COL14A1: variants seen among roughly 807,000 people sequenced by gnomAD.
The protein encoded by COL14A1 is collagen type XIV alpha 1 chain.
A neutral mutation model predicts 230.3 loss-of-function variants in COL14A1; 136 were observed. The observed-to-expected ratio is 0.59, with a 90% CI of 0.51 to 0.68. The LOEUF is 0.68. COL14A1 is among the 30% of genes least tolerant of loss of function. COL14A1 has a pLI of 0.00. For missense variants in COL14A1, 1,976 were observed against 2,215.8 expected, an observed-to-expected ratio of 0.89 and a Z score of 2.17; for synonymous variants, 792 against 784.1, an observed-to-expected ratio of 1.01 and a Z score of -0.17.
intron 16 of COL14A1, 83 bp from the exon 17 acceptor site, chr8:120,227,137 T>C: frequency 6.7e-7 from 1 of 1,489,054 alleles, no homozygotes. Flanking sequence ...GATTGGTTGT[T>C]TCTTGCTTAT....
At chr8:120,324,228 G>C (rs1821572927) in intron 40 of COL14A1, among the ~76,000 whole-genome samples, 1 of 151,526 alleles carries the variant, frequency 6.6e-6, no homozygotes, top group Non-Finnish European at 1.5e-5. Context: ...AAAAAAAAAA[G>C]TTTAAAAATA....
chr8:120,315,174 AGCCTGGCCAACATGAT>A (rs1821174535), intron 38 of COL14A1, among the ~76,000 whole-genome samples: 1 of 152,138 alleles, frequency 6.6e-6, no homozygotes, highest in African/African-American at 2.4e-5. Context: ...GCTTGAGACT[AGCCTGGCCAACATGAT>A]GAAACCCCGT....
chr8:120,355,126 T>G (rs1822931591), intron 45 of COL14A1, among the ~76,000 whole-genome samples: 1 of 152,204 alleles, frequency 6.6e-6, no homozygotes, highest in Non-Finnish European at 1.5e-5. Flanking sequence ...ATTTGTCAAT[T>G]GCTTTTCTGA....
chr8:120,168,897 C>G (rs1337512938), intron 5 of COL14A1, among the ~76,000 whole-genome samples: 1 of 152,036 alleles, frequency 6.6e-6, no homozygotes, highest in Non-Finnish European at 1.5e-5. Flanking sequence ...ACTCTGTCAC[C>G]CAGGCTAGAA....
intron 22 of COL14A1, 144 bp from the exon 23 acceptor site, chr8:120,255,096 A>T: frequency 1.4e-6 from 1 of 696,544 alleles, no homozygotes; most frequent in African/African-American, 1.8e-5. Flanking sequence ...TATCTTTTGT[A>T]TACTAACTCA....
chr8:120,190,039 A>G lies in COL14A1; in HGVS notation c.437-6752A>G, dbSNP rs1317289068. Among the ~76,000 whole-genome samples, 25 of 150,640 alleles carry G rather than the reference A, an allele frequency of 1.7e-4. 2 individuals are homozygous for G. The highest frequency in any genetic ancestry group is 1.5e-3 in the Admixed American group (23 of 15,038). The stretch of plus-strand genomic sequence containing the variant: ...TGGGTCAAATGGTATTTCTAGTTCT[A>G]GATCCCTGAGGAATCGCCACACTGA... On this transcript the variant is annotated intron_variant, in intron 5 of 47. Coordinates refer to ENST00000297848, the MANE Select transcript of COL14A1 (RefSeq NM_021110.4).
chr8:120,263,458 C>T (rs1390395312), intron 24 of COL14A1, among the ~76,000 whole-genome samples: 1 of 152,126 alleles, frequency 6.6e-6, no homozygotes, highest in Non-Finnish European at 1.5e-5. Context: ...GCCTAAGAAG[C>T]TCTTGCACTT....
intron 37 of COL14A1, among the ~76,000 whole-genome samples, chr8:120,313,394 AC>A (rs1158678307): frequency 6.6e-6 from 1 of 152,078 alleles, no homozygotes; most frequent in Non-Finnish European, 1.5e-5. Context: ...GTAAAATAAT[AC>A]TAAGCCGAGG....
intron 23 of COL14A1, among the ~76,000 whole-genome samples, chr8:120,259,773 G>A (rs185387518): frequency 5.5e-4 from 83 of 152,228 alleles, no homozygotes; most frequent in Non-Finnish European, 9.1e-4. Flanking sequence ...GAGAGTCCCC[G>A]GAAGGTTTGT....
chr8:120,278,584 A>T lies in COL14A1; in HGVS notation c.3481+6A>T, dbSNP rs778049718. The stretch of plus-strand genomic sequence containing the variant: ...CAGGGAGATGCAATTAGATGGTAAG[A>T]TATATAAACAATAGTGGCTACCAAA... On this transcript the variant is annotated splice_donor_region_variant and intron_variant, in intron 28 of 47. Coordinates refer to ENST00000297848, the MANE Select transcript of COL14A1 (RefSeq NM_021110.4). 1.9e-6 allele frequency: 3 copies of T among 1,611,042 alleles called. No individual in the cohort carries two copies. Among genetic ancestry groups the T allele is most frequent in the Non-Finnish European group, 2.5e-6 (3 of 1,178,502 alleles).
At chr8:120,209,326 GCA>G (rs780697287) in intron 11 of COL14A1, among the ~76,000 whole-genome samples, 4 of 152,052 alleles carry the variant, frequency 2.6e-5, no homozygotes, top group Non-Finnish European at 4.4e-5. Flanking sequence ...TTGCACCACT[GCA>G]CTCCAGCCTG....
rs1183275823 is a variant in COL14A1 at position 120,278,260 on chromosome 8, G to C, written c.3337+26G>C. ...GTATGACCAAAAGAAGCCCAGCTAAGGCTCAAAGTAATTCATTATTTGTAA... is the reference window on the plus strand; with the variant it reads ...GTATGACCAAAAGAAGCCCAGCTAACGCTCAAAGTAATTCATTATTTGTAA... On this transcript the variant is annotated intron_variant, in intron 27 of 47. Transcript: ENST00000297848. 5 of 1,579,168 alleles carry C rather than the reference G, an allele frequency of 3.2e-6. No homozygotes were observed. The Admixed American group carries it at 9.8e-5, about 31-fold the overall frequency.
chr8:120,197,320 T>G (rs1817072314), intron 6 of COL14A1, among the ~76,000 whole-genome samples: 1 of 152,158 alleles, frequency 6.6e-6, no homozygotes. Flanking sequence ...AAGATAACCT[T>G]TGCCAAATTA....
At chr8:120,225,969 C>G (rs750163152) in intron 15 of COL14A1, among the ~76,000 whole-genome samples, 11 of 150,648 alleles carry the variant, frequency 7.3e-5, no homozygotes, top group Non-Finnish European at 1.6e-4. Context: ...CTCATGGTGT[C>G]CTATCAAAAA....
chr8:120,209,788 TACG>T lies in COL14A1; in HGVS notation c.1358_1360del (p.Asp453del), dbSNP rs767502402. 1 of 1,613,688 alleles carries T rather than the reference TACG, an allele frequency of 6.2e-7. No homozygotes were observed. The highest frequency in any genetic ancestry group is 1.1e-5 in the South Asian group (1 of 91,026). On this transcript the variant is annotated inframe_deletion, in exon 12 of 48. Coordinates refer to ENST00000297848, the MANE Select transcript of COL14A1 (RefSeq NM_021110.4). The stretch of plus-strand genomic sequence containing the variant: ...ACCGATGGCTTCTGACCTTCTACTG[TACG>T]ACGTGACTGAGAACAGCATGCGAGT...
At chr8:120,287,044 G>A (rs1408799651) in intron 33 of COL14A1, among the ~76,000 whole-genome samples, 1 of 152,066 alleles carries the variant, frequency 6.6e-6, no homozygotes, top group Non-Finnish European at 1.5e-5. Context: ...TTCCTAACCA[G>A]GCCCTTACTG....
At chr8:120,258,264 A>T (rs949664309) in intron 23 of COL14A1, among the ~76,000 whole-genome samples, 6 of 152,188 alleles carry the variant, frequency 3.9e-5, no homozygotes. Flanking sequence ...AACCAGGCTC[A>T]GTGAGTCAGA....
intron 9 of COL14A1, among the ~76,000 whole-genome samples, 200 bp downstream of exon 9, chr8:120,204,070 A>G (rs987006593): frequency 7.2e-5 from 11 of 152,184 alleles, no homozygotes; most frequent in African/African-American, 2.4e-4. Flanking sequence ...TAAACACAAG[A>G]TGATTTTCTC....
intron 44 of COL14A1, among the ~76,000 whole-genome samples, chr8:120,345,162 G>T (rs981976394): frequency 1.3e-5 from 2 of 152,176 alleles, no homozygotes; most frequent in African/African-American, 4.8e-5. Context: ...AAACACATGA[G>T]ATGCCATTTG....
Sources: gnomAD v4.1 joint callset for allele counts (sites outside exome capture counted in the v4.1 genomes callset) on GRCh38, gnomAD v4.1.1 for gene constraint, MANE v1.5 for transcripts, NCBI Gene and HGNC (gene_info 2026-07-23, HGNC 2026-07-21) for gene names.